Variants in ITIH3 observed in about 807,000 individuals in gnomAD.
ITIH3 encodes inter-alpha-trypsin inhibitor heavy chain H3.
Under a neutral mutation model 96.5 loss-of-function variants are expected in ITIH3, and 81 were observed. The ratio of observed to expected loss-of-function variants is 0.84; its 90% CI spans 0.70 to 1.01. The LOEUF (loss-of-function observed/expected upper bound fraction) is 1.01. ITIH3 is among the 50% of genes least tolerant of loss of function. ITIH3 has a pLI of 0.00. For synonymous variants in ITIH3, 422 were observed against 445.2 expected (o/e 0.95, Z 0.66); for missense variants, 1,057 against 1,139.3 (o/e 0.93, Z 1.04).
chr3:52,795,367 C>T (rs922658216), intron 1 of ITIH3, among the ~76,000 whole-genome samples: 3 of 152,216 alleles, frequency 2.0e-5, no homozygotes, highest in African/African-American at 7.2e-5. Context: ...CCCTGCCCTG[C>T]TCTCCTGGTA....
chr3:52,807,478 G>A (rs956360177), intron 19 of ITIH3, among the ~76,000 whole-genome samples: 2 of 152,246 alleles, frequency 1.3e-5, no homozygotes, highest in Non-Finnish European at 1.5e-5. Context: ...CACTCAGGAA[G>A]TCAGTGGCTT....
chr3:52,802,830 C>T (rs1699889170), intron 13 of ITIH3, 24 bp downstream of exon 13: 3 of 1,612,962 alleles, frequency 1.9e-6, no homozygotes, highest in Non-Finnish European at 2.5e-6. Flanking sequence ...CAGCCCCCAC[C>T]TGTGCCTACC....
chr3:52,796,573 C>T lies in ITIH3; in HGVS notation c.207C>T (p.Asn69=). ...ATGTTGTCACCATGAGAGCCGTCAACCGTGCAGACACGGCCAAGGAGGTTT... is the reference window on the plus strand; with the variant it reads ...ATGTTGTCACCATGAGAGCCGTCAATCGTGCAGACACGGCCAAGGAGGTTT... ...AHNVVTMRAV[N]RADTAKEVSF... Residue 69 remains asparagine, a synonymous_variant, in exon 3 of 22, where the codon AAC becomes AAT. Coordinates refer to ENST00000449956, the MANE Select transcript of ITIH3 (RefSeq NM_002217.4). 3 of 1,613,610 alleles carry T rather than the reference C, an allele frequency of 1.9e-6. No homozygotes were observed. The highest frequency in any genetic ancestry group is 2.5e-6 in the Non-Finnish European group (3 of 1,179,746).
Position 52,808,183 on chromosome 3 carries a change from C to T in ITIH3, c.2505C>T (p.Ala835=). ...RPGSDPTKPD[A]TLVVKNHQLI... ...GCTCTGACCCCACAAAGCCAGATGC[C>T]ACATTGGTGGTGAAGAACCATCAGC... The change falls in exon 21 of 22, where the codon GCC becomes GCT. Residue 835 remains alanine (A), a synonymous_variant. Coordinates refer to ENST00000449956, the MANE Select transcript of ITIH3 (RefSeq NM_002217.4). 1 of 1,614,214 alleles carries T rather than the reference C, an allele frequency of 6.2e-7. No individual in the cohort carries two copies. The highest frequency in any genetic ancestry group is 2.2e-5 in the East Asian group (1 of 44,886).
chr3:52,800,446 G>T, intron 9 of ITIH3, 92 bp from the exon 10 acceptor site: 2 of 1,477,828 alleles, frequency 1.4e-6, no homozygotes, highest in Non-Finnish European at 9.1e-7. Context: ...CACATGAGTG[G>T]GGCCGGCTGT....
intron 8 of ITIH3, 87 bp from the exon 9 acceptor site, chr3:52,799,666 A>T: frequency 7.2e-7 from 1 of 1,382,326 alleles, no homozygotes; most frequent in Non-Finnish European, 9.8e-7. Flanking sequence ...TCGCTGGTGC[A>T]GATGGCGTGG....
chr3:52,803,978 T>C lies in ITIH3; in HGVS notation c.1833T>C (p.Asp611=), dbSNP rs373171873. ...MVVTKPEDNE[D]ERAIADKPGE... The stretch of plus-strand genomic sequence containing the variant: ...TGACCAAGCCTGAGGACAACGAGGA[T>C]GAGAGGGCCATTGCCGACAAGCCTG... Residue 611 remains aspartate, a synonymous_variant, in exon 14 of 22, where the codon GAT becomes GAC. Coordinates refer to ENST00000449956, the MANE Select transcript of ITIH3 (RefSeq NM_002217.4). The C allele has an allele frequency of 3.8e-4, 609 of 1,613,388 alleles. No homozygotes were observed. The highest frequency in any genetic ancestry group is 4.7e-4 in the Non-Finnish European group (559 of 1,179,634).
Position 52,797,943 on chromosome 3 carries a change from CCT to C in ITIH3, c.663+17_663+18del. On this transcript the variant is annotated intron_variant, in intron 6 of 21. Transcript: ENST00000449956. ...CTCAGGGAAAAAGGTGATGTAGATG[CCT>C]CTCAGACCTGGTGGGGCAGGGGACA... The C allele has an allele frequency of 6.8e-7, 1 of 1,475,884 alleles. No homozygotes were observed. The highest frequency in any genetic ancestry group is 9.3e-7 in the Non-Finnish European group (1 of 1,071,650). The allele number at this position is 1,475,884 out of a possible 1,614,324, so 91.4% of individuals were successfully genotyped here. A position where few individuals can be genotyped will look rare whatever the true frequency, so the allele number is the denominator to read the frequency against.
intron 6 of ITIH3, chr3:52,798,754 G>A (rs181821551): frequency 1.4e-4 from 84 of 589,200 alleles, no homozygotes; most frequent in Middle Eastern, 9.1e-4. Context: ...AGGCCGGAGC[G>A]TGGTAAACAG....
intron 8 of ITIH3, 69 bp downstream of exon 8, chr3:52,799,557 T>G: frequency 8.5e-7 from 1 of 1,177,958 alleles, no homozygotes. Flanking sequence ...TTTTTTTAAC[T>G]GGAAAAAGCT....
intron 10 of ITIH3, 59 bp from the exon 11 acceptor site, chr3:52,800,906 G>T: frequency 1.9e-6 from 3 of 1,602,466 alleles, no homozygotes; most frequent in Non-Finnish European, 1.7e-6. Flanking sequence ...CCCAGACAGA[G>T]CTGGTCTAGA....
intron 15 of ITIH3, chr3:52,805,041 C>T (rs929369291): frequency 6.0e-5 from 21 of 349,336 alleles, no homozygotes; most frequent in Middle Eastern, 1.7e-3. Context: ...TAGCAACCCT[C>T]CAAGAGGGCC....
At chr3:52,796,697 G>A (rs763988519) in intron 3 of ITIH3, 42 bp from the exon 4 acceptor site, 7 of 1,606,528 alleles carry the variant, frequency 4.4e-6, no homozygotes, top group Non-Finnish European at 1.7e-6. Context: ...AGGGGGTCTG[G>A]CCCAGTGTGA....
In ITIH3 at chr3:52,808,589, G is replaced by A. The variant is rs376302468; in HGVS notation, c.2581G>A (p.Gly861Ser). The A allele has an allele frequency of 2.2e-5, 35 of 1,613,828 alleles. No individual in the cohort carries two copies. The highest frequency in any genetic ancestry group is 5.0e-5 in the Admixed American group (3 of 60,002). ...QKDYRKDASIGTKVVCWFVHN... is the reference protein window; with the variant it reads ...QKDYRKDASISTKVVCWFVHN... ...AGACTACAGAAAGGATGCCAGCATC[G>A]GCACGAAGGTTGTCTGCTGGTTCGT... is the stretch of plus-strand genomic sequence containing the variant. The change falls in exon 22 of 22, where the codon GGC becomes AGC. Residue 861 changes from glycine to serine, a missense_variant. By Grantham distance (56) the Gly-to-Ser change is moderately conservative. Transcript: ENST00000449956.
chr3:52,797,843 G>A lies in ITIH3; in HGVS notation c.576G>A (p.Gln192=). The change falls in exon 6 of 22, where the codon CAG becomes CAA. Residue 192 remains glutamine, a synonymous_variant. Transcript: ENST00000449956. The part of the protein sequence containing the change: ...FEIEVDIFEP[Q]GISMLDAEAS... ...TCGAGGTAGACATCTTCGAGCCTCAGGGAATCAGCATGCTGGATGCTGAGG... is the reference window on the plus strand; with the variant it reads ...TCGAGGTAGACATCTTCGAGCCTCAAGGAATCAGCATGCTGGATGCTGAGG... The A allele has an allele frequency of 6.2e-7, 1 of 1,608,928 alleles. No homozygotes were observed. The highest frequency in any genetic ancestry group is 8.5e-7 in the Non-Finnish European group (1 of 1,177,856).
chr3:52,798,751 AGC>A (rs1699692129), intron 6 of ITIH3: 1 of 579,854 alleles, frequency 1.7e-6, no homozygotes, highest in Non-Finnish European at 3.1e-6. Context: ...GAAAGGCCGG[AGC>A]GTGGTAAACA....
chr3:52,806,852 G>A (rs367638208), intron 18 of ITIH3, 49 bp from the exon 19 acceptor site: 1 of 1,485,918 alleles, frequency 6.7e-7, no homozygotes, highest in South Asian at 1.2e-5. Context: ...AGGCAATCTG[G>A]ACTCAGAAGT....
rs749044573 is a variant in ITIH3 at position 52,802,656 on chromosome 3, C to T, written c.1570-11C>T. On this transcript the variant is annotated splice_polypyrimidine_tract_variant and intron_variant, in intron 12 of 21. Coordinates refer to ENST00000449956, the MANE Select transcript of ITIH3 (RefSeq NM_002217.4). Reference sequence around the variant, plus strand: ...CCTCCAGCCCCTTGCCTCCTTCTACCCCCACCCTAGGCCACCAACGACCTG... The same window carrying T: ...CCTCCAGCCCCTTGCCTCCTTCTACTCCCACCCTAGGCCACCAACGACCTG... The T allele has an allele frequency of 8.1e-6, 13 of 1,613,728 alleles. No individual in the cohort carries two copies. The highest frequency in any genetic ancestry group is 1.6e-4 in the Middle Eastern group (1 of 6,084).
Position 52,802,812 on chromosome 3 carries a change from C to G in ITIH3, c.1709+6C>G. 1.2e-6 allele frequency: 2 copies of G among 1,613,658 alleles called. No individual in the cohort carries two copies. Among genetic ancestry groups the G allele is most frequent in the Non-Finnish European group, 8.5e-7 (1 of 1,179,738 alleles). ...GAGCAGCTGCTGGAGAAGCGGTGAG[C>G]AGAGTCCCAGCCCCCACCTGTGCCT... On this transcript the variant is annotated splice_donor_region_variant and intron_variant, in intron 13 of 21. Coordinates refer to ENST00000449956, the MANE Select transcript of ITIH3 (RefSeq NM_002217.4).
Sources: gnomAD v4.1 joint callset for allele counts (sites outside exome capture counted in the v4.1 genomes callset) on GRCh38, gnomAD v4.1.1 for gene constraint, MANE v1.5 for transcripts, NCBI Gene and HGNC (gene_info 2026-07-23, HGNC 2026-07-21) for gene names.